SYNE1: variants seen among roughly 807,000 people sequenced by gnomAD.
SYNE1 encodes nesprin-1.
SYNE1 carries 616 observed loss-of-function variants against 1,111.0 expected under a neutral mutation model. That is an observed-to-expected ratio of 0.55 (90% CI 0.52 to 0.59). The LOEUF is 0.59. Ranked by LOEUF, SYNE1 falls within the 20% of genes least tolerant of loss-of-function variation. The pLI, the probability that SYNE1 is intolerant of heterozygous loss-of-function variation, is 0.00. For synonymous variants in SYNE1, 3,855 were observed against 3,825.8 expected (o/e 1.01, Z -0.28); for missense variants, 10,006 against 10,417.0 (o/e 0.96, Z 1.72).
chr6:152,244,688 T>A (rs1275477893), intron 105 of SYNE1, 32 bp from the exon 106 acceptor site: 3 of 1,613,458 alleles, frequency 1.9e-6, no homozygotes, highest in Non-Finnish European at 2.5e-6. Flanking sequence ...TTATTAAAAC[T>A]CCCATGAACA....
At chr6:152,250,270 CA>C (rs2088769928) in intron 104 of SYNE1, among the ~76,000 whole-genome samples, 1 of 151,612 alleles carries the variant, frequency 6.6e-6, no homozygotes, top group Non-Finnish European at 1.5e-5. Context: ...AAAAAATTAC[CA>C]AAAAAATGTA....
chr6:152,406,097 C>T (rs2097895820), intron 45 of SYNE1, among the ~76,000 whole-genome samples: 1 of 151,996 alleles, frequency 6.6e-6, no homozygotes, highest in Non-Finnish European at 1.5e-5. Context: ...CTTAGGTGCT[C>T]ATTAAAAATT....
chr6:152,302,109 G>A, intron 91 of SYNE1, 46 bp from the exon 92 acceptor site: 1 of 1,612,382 alleles, frequency 6.2e-7, no homozygotes, highest in East Asian at 2.2e-5. Context: ...AGCATCAAAA[G>A]GAAACAGAAG....
intron 2 of SYNE1, among the ~76,000 whole-genome samples, chr6:152,634,923 G>T (rs1372205471): frequency 6.6e-6 from 1 of 152,244 alleles, no homozygotes; most frequent in African/African-American, 2.4e-5. Flanking sequence ...TTTGGGCCCT[G>T]CATGCCTGTC....
intron 53 of SYNE1, 56 bp downstream of exon 53, chr6:152,390,224 C>T: frequency 6.3e-7 from 1 of 1,599,742 alleles, no homozygotes; most frequent in Non-Finnish European, 8.6e-7. Context: ...ACTGCTCCAT[C>T]ATTTTACTAA....
At chr6:152,253,522 G>T (rs2089906014) in intron 104 of SYNE1, among the ~76,000 whole-genome samples, 1 of 152,190 alleles carries the variant, frequency 6.6e-6, no homozygotes, top group East Asian at 1.9e-4. Context: ...TTATACAGCA[G>T]TAAGTGACAA....
chr6:152,434,013 G>T, intron 33 of SYNE1, 68 bp from the exon 34 acceptor site: 1 of 1,362,592 alleles, frequency 7.3e-7, no homozygotes, highest in East Asian at 2.5e-5. Context: ...CATTTTCCTT[G>T]AAATCACCAG....
intron 70 of SYNE1, 50 bp from the exon 71 acceptor site, chr6:152,350,820 A>G (rs757548451): frequency 6.2e-7 from 1 of 1,605,624 alleles, no homozygotes; most frequent in South Asian, 1.1e-5. Context: ...CGTGGACAAG[A>G]TGAATACATA....
At chr6:152,357,912 T>C (rs1180886613) in intron 66 of SYNE1, among the ~76,000 whole-genome samples, 1 of 152,172 alleles carries the variant, frequency 6.6e-6, no homozygotes, top group Non-Finnish European at 1.5e-5. Context: ...TGTAATTCCT[T>C]CTTCTAGAAC....
At chr6:152,503,851 T>C (rs1172982183) in intron 9 of SYNE1, among the ~76,000 whole-genome samples, 1 of 152,316 alleles carries the variant, frequency 6.6e-6, no homozygotes, top group East Asian at 1.9e-4. Context: ...TGATTTAACA[T>C]AGTATATGCT....
intron 93 of SYNE1, among the ~76,000 whole-genome samples, chr6:152,299,278 C>T (rs564677043): frequency 1.8e-4 from 28 of 152,132 alleles, no homozygotes; most frequent in Middle Eastern, 3.4e-3. Context: ...AATAATCAGC[C>T]GACTATAGCT....
At chr6:152,279,301 TA>T (rs1161821646) in intron 97 of SYNE1, among the ~76,000 whole-genome samples, 16 of 151,436 alleles carry the variant, frequency 1.1e-4, no homozygotes, top group Admixed American at 9.9e-4. Flanking sequence ...ACTTTCCTTA[TA>T]AATCATTGTT....
chr6:152,576,974 T>C (rs1028848658), intron 3 of SYNE1, among the ~76,000 whole-genome samples: 1 of 152,222 alleles, frequency 6.6e-6, no homozygotes, highest in African/African-American at 2.4e-5. Context: ...GAGAGACACA[T>C]ACACATATAA....
chr6:152,381,458 G>GAAGTTTT (rs2097413954), intron 55 of SYNE1, 96 bp from the exon 56 acceptor site: 6 of 1,308,888 alleles, frequency 4.6e-6, no homozygotes. Context: ...GTCCTGCCAG[G>GAAGTTTT]AAGTTTTAAC....
At chr6:152,445,468 T>G (rs1403869201) in intron 29 of SYNE1, among the ~76,000 whole-genome samples, 1 of 152,122 alleles carries the variant, frequency 6.6e-6, no homozygotes, top group African/African-American at 2.4e-5. Context: ...ATCCTTTATC[T>G]TCACTAAGAT....
At chr6:152,461,281 C>T (rs1021754456) in intron 21 of SYNE1, among the ~76,000 whole-genome samples, 3 of 152,096 alleles carry the variant, frequency 2.0e-5, no homozygotes, top group South Asian at 2.1e-4. Context: ...CTTCTTCCTC[C>T]TCCTCATCTC....
At chr6:152,251,013 G>C (rs1286134498) in intron 104 of SYNE1, among the ~76,000 whole-genome samples, 2 of 152,078 alleles carry the variant, frequency 1.3e-5, no homozygotes, top group African/African-American at 4.8e-5. Flanking sequence ...GCGGTGGCGC[G>C]ATCTCGGCTC....
chr6:152,417,220 C>A (rs2098168556), intron 40 of SYNE1, among the ~76,000 whole-genome samples: 1 of 152,136 alleles, frequency 6.6e-6, no homozygotes, highest in South Asian at 2.1e-4. Context: ...AACTCTGGGC[C>A]AGGCGCGGTG....
At chr6:152,307,356 T>TTTGTA (rs2095412506) in intron 91 of SYNE1, among the ~76,000 whole-genome samples, 1 of 152,202 alleles carries the variant, frequency 6.6e-6, no homozygotes, top group Non-Finnish European at 1.5e-5. Context: ...AGCAATACCT[T>TTTGTA]GAATCTTTTG....
Sources: allele counts gnomAD v4.1 joint callset (sites outside exome capture counted in the v4.1 genomes callset), GRCh38; gene constraint gnomAD v4.1.1; transcripts MANE v1.5; gene names NCBI Gene and HGNC (gene_info 2026-07-23, HGNC 2026-07-21).